TMEM132C: variants seen among roughly 807,000 people sequenced by gnomAD.
The protein encoded by TMEM132C is protein phosphatase 1, regulatory subunit 152.
A neutral mutation model predicts 61.4 loss-of-function variants in TMEM132C; 29 were observed. That is an observed-to-expected ratio of 0.47 (90% confidence interval 0.35 to 0.64). The LOEUF is 0.64. Ranked by LOEUF, TMEM132C falls within the 30% of genes least tolerant of loss-of-function variation. TMEM132C has a pLI of 0.00. For synonymous variants in TMEM132C, 656 were observed against 633.1 expected (o/e 1.04, Z -0.54); for missense variants, 1,408 against 1,476.9 (o/e 0.95, Z 0.76).
rs369092277 is a variant in TMEM132C at position 128,687,773 on chromosome 12, G to A, written c.1450-6056G>A. The stretch of plus-strand genomic sequence containing the variant: ...TAAACATTTTCCAACAATAGCCCTA[G>A]ATTCAGAGGCAACTGTTGAGAAGAG... On this transcript the variant is annotated intron_variant, in intron 5 of 8. Coordinates refer to ENST00000435159, the MANE Select transcript of TMEM132C (RefSeq NM_001136103.3). Among the ~76,000 whole-genome samples, 19 of 152,322 alleles carry A rather than the reference G, an allele frequency of 1.2e-4. No individual in the cohort carries two copies. The East Asian group carries it at 3.1e-3, about 25-fold the overall frequency.
chr12:128,582,202 A>G (rs1875362497), intron 3 of TMEM132C, among the ~76,000 whole-genome samples: 1 of 152,254 alleles, frequency 6.6e-6, no homozygotes, highest in Non-Finnish European at 1.5e-5. Flanking sequence ...TGAACAGGCA[A>G]TTCACTGGAA....
intron 2 of TMEM132C, among the ~76,000 whole-genome samples, chr12:128,482,511 C>T (rs1218783834): frequency 6.6e-6 from 1 of 152,042 alleles, no homozygotes; most frequent in Non-Finnish European, 1.5e-5. Context: ...GGGAAAAGTC[C>T]CTCTTTTTCT....
At chr12:128,481,586 T>C (rs59356439) in intron 2 of TMEM132C, among the ~76,000 whole-genome samples, 28,105 of 152,272 alleles carry the variant, frequency 0.18, 4,460 homozygotes, top group African/African-American at 0.43. Flanking sequence ...GTGCAGTTCA[T>C]GGCTCCAAGC....
At chr12:128,497,977 G>A (rs977930689) in intron 2 of TMEM132C, among the ~76,000 whole-genome samples, 20 of 152,066 alleles carry the variant, frequency 1.3e-4, no homozygotes, top group Admixed American at 1.2e-3. Context: ...ACCACCCCCA[G>A]TCTGTACCAG....
chr12:128,298,901 C>G (rs918516580), intron 1 of TMEM132C, among the ~76,000 whole-genome samples: 1 of 152,224 alleles, frequency 6.6e-6, no homozygotes, highest in African/African-American at 2.4e-5. Flanking sequence ...CCCCATTTAA[C>G]TTGAAGTTCC....
intron 3 of TMEM132C, among the ~76,000 whole-genome samples, chr12:128,592,453 A>G (rs75181278): frequency 0.073 from 11,161 of 152,258 alleles, 1,366 homozygotes; most frequent in African/African-American, 0.25. Flanking sequence ...CAAATGATGG[A>G]AGGACCAGAT....
chr12:128,508,610 G>A (rs1219762254), intron 2 of TMEM132C, among the ~76,000 whole-genome samples: 2 of 152,182 alleles, frequency 1.3e-5, no homozygotes, highest in Admixed American at 6.5e-5. Flanking sequence ...TCTGTGTGGA[G>A]CAAGGCCGTG....
chr12:128,667,785 A>G (rs1304130024), intron 4 of TMEM132C, among the ~76,000 whole-genome samples: 1 of 152,198 alleles, frequency 6.6e-6, no homozygotes, highest in East Asian at 1.9e-4. Context: ...ATCAGGTAGT[A>G]TCCTACAAAA....
At chr12:128,388,101 C>A (rs1186462625) in intron 1 of TMEM132C, among the ~76,000 whole-genome samples, 2 of 152,234 alleles carry the variant, frequency 1.3e-5, no homozygotes, top group African/African-American at 2.4e-5. Context: ...TTCCAAGAGC[C>A]CGAGCCCAGG....
intron 3 of TMEM132C, among the ~76,000 whole-genome samples, chr12:128,554,187 T>C (rs1874261755): frequency 1.3e-5 from 2 of 152,230 alleles, no homozygotes; most frequent in Non-Finnish European, 2.9e-5. Flanking sequence ...CAAAGCTAGC[T>C]GGACTCAGAG....
intron 2 of TMEM132C, among the ~76,000 whole-genome samples, chr12:128,483,306 A>G: frequency 1.2e-5 from 1 of 83,412 alleles, no homozygotes; most frequent in African/African-American, 4.7e-5. Context: ...AGAGAGGGGG[A>G]GGTGAGGGGA....
intron 5 of TMEM132C, among the ~76,000 whole-genome samples, chr12:128,670,982 A>C (rs1233141056): frequency 1.3e-5 from 2 of 152,228 alleles, no homozygotes; most frequent in African/African-American, 4.8e-5. Context: ...GGGCAAAAAA[A>C]TAAAAAACAA....
intron 5 of TMEM132C, among the ~76,000 whole-genome samples, chr12:128,685,086 A>G (rs1954663780): frequency 6.6e-6 from 1 of 152,160 alleles, no homozygotes; most frequent in Admixed American, 6.5e-5. Flanking sequence ...CATCCTGGGA[A>G]GCCTCCTAAA....
chr12:128,677,789 C>T (rs1284946545), intron 5 of TMEM132C, among the ~76,000 whole-genome samples: 1 of 152,230 alleles, frequency 6.6e-6, no homozygotes, highest in Non-Finnish European at 1.5e-5. Flanking sequence ...ATTGAATTTC[C>T]AGTGCAGCCT....
At chr12:128,282,250 A>G (rs1031127574) in intron 1 of TMEM132C, among the ~76,000 whole-genome samples, 7 of 152,222 alleles carry the variant, frequency 4.6e-5, no homozygotes, top group African/African-American at 1.7e-4. Context: ...CCACTGCTGC[A>G]TTATTACCAC....
chr12:128,685,953 C>G (rs1566014855), intron 5 of TMEM132C, among the ~76,000 whole-genome samples: 1 of 152,158 alleles, frequency 6.6e-6, no homozygotes, highest in East Asian at 1.9e-4. Flanking sequence ...TGTGGCCAGT[C>G]AACGAATGTT....
intron 1 of TMEM132C, among the ~76,000 whole-genome samples, chr12:128,396,193 AT>A (rs11367766): frequency 0.38 from 57,298 of 152,004 alleles, 12,114 homozygotes; most frequent in African/African-American, 0.58. Context: ...TTTTTACATA[AT>A]TGACATTGTT....
At chr12:128,289,353 C>G (rs1347809877) in intron 1 of TMEM132C, among the ~76,000 whole-genome samples, 3 of 152,162 alleles carry the variant, frequency 2.0e-5, no homozygotes, top group Non-Finnish European at 4.4e-5. Context: ...TTTTTAAGAA[C>G]AAGGGAATCT....
chr12:128,269,821 T>TA (rs57072766), intron 1 of TMEM132C, among the ~76,000 whole-genome samples: 62,472 of 148,438 alleles, frequency 0.42, 13,136 homozygotes, highest in Middle Eastern at 0.47. Context: ...CTGCTGTCTT[T>TA]AAAAAAAAAA....
Sources: gnomAD v4.1 joint callset for allele counts (sites outside exome capture counted in the v4.1 genomes callset) on GRCh38, gnomAD v4.1.1 for gene constraint, MANE v1.5 for transcripts, NCBI Gene and HGNC (gene_info 2026-07-23, HGNC 2026-07-21) for gene names.